Variants in GPC6 observed in about 807,000 individuals in gnomAD.
GPC6 encodes the protein glypican 6.
In GPC6, 14 loss-of-function variants were observed where a neutral mutation model predicts 55.2. The observed-to-expected ratio is 0.25, with a 90% CI of 0.17 to 0.40. The LOEUF (loss-of-function observed/expected upper bound fraction) is 0.40. Among genes scored for constraint, GPC6 ranks in the 10% least tolerant of loss-of-function variants. GPC6 has a pLI of 1.00. For missense variants in GPC6, 641 were observed against 708.5 expected (o/e 0.90, Z 1.08); for synonymous variants, 278 against 259.6 (o/e 1.07, Z -0.68).
chr13:93,505,385 A>T (rs1880671842), intron 1 of GPC6, among the ~76,000 whole-genome samples: 1 of 151,884 alleles, frequency 6.6e-6, no homozygotes, highest in South Asian at 2.1e-4. Flanking sequence ...TCCTTGTTTT[A>T]TGTGTGTTAC....
chr13:93,976,997 G>A (rs1880548546), intron 3 of GPC6, among the ~76,000 whole-genome samples: 2 of 151,950 alleles, frequency 1.3e-5, no homozygotes, highest in African/African-American at 2.4e-5. Context: ...AACAAATATA[G>A]AGCATTCTGT....
At chr13:94,374,068 T>C (rs1343513703) in intron 6 of GPC6, among the ~76,000 whole-genome samples, 1 of 151,688 alleles carries the variant, frequency 6.6e-6, no homozygotes, top group Admixed American at 6.6e-5. Context: ...AAGGAAGCGC[T>C]AAACATGGAA....
intron 3 of GPC6, among the ~76,000 whole-genome samples, chr13:94,005,641 A>G (rs1197416229): frequency 6.6e-6 from 1 of 152,186 alleles, no homozygotes; most frequent in Admixed American, 6.5e-5. Flanking sequence ...CTAGGACTCA[A>G]TTTCCTCATC....
At chr13:93,948,536 AG>A (rs1879113302) in intron 3 of GPC6, among the ~76,000 whole-genome samples, 2 of 152,224 alleles carry the variant, frequency 1.3e-5, no homozygotes, top group African/African-American at 4.8e-5. Flanking sequence ...ATCCAATGTT[AG>A]GTATGGGTTT....
intron 2 of GPC6, among the ~76,000 whole-genome samples, chr13:93,557,642 C>T (rs1875552032): frequency 6.6e-6 from 1 of 152,150 alleles, no homozygotes; most frequent in South Asian, 2.1e-4. Context: ...AGAATATCTT[C>T]AGCCCTTGAG....
chr13:94,085,232 G>C (rs1885234893), intron 4 of GPC6, among the ~76,000 whole-genome samples: 1 of 142,546 alleles, frequency 7.0e-6, no homozygotes, highest in Non-Finnish European at 1.5e-5. Context: ...TGAGGCAGGA[G>C]AGTTCCTTGA....
rs540584164 is a variant in GPC6, at chr13:93,824,041, T to TA, written c.320-6106dup. ...CTCCCTTTTAAAATAAACTGTAATT[T>TA]AAAAAAATCTTTATATAATTTCAAC... is the stretch of plus-strand genomic sequence containing the variant. On this transcript the variant is annotated intron_variant, in intron 2 of 8. Coordinates refer to ENST00000377047, the MANE Select transcript of GPC6 (RefSeq NM_005708.5). Among the ~76,000 whole-genome samples the TA allele has an allele frequency of 2.9e-3, 439 of 152,198 alleles. 1 individual carries two copies. The highest frequency in any genetic ancestry group is 5.2e-3 in the Non-Finnish European group (355 of 68,018).
intron 1 of GPC6, among the ~76,000 whole-genome samples, chr13:93,496,618 A>G (rs1460114671): frequency 6.6e-6 from 1 of 152,224 alleles, no homozygotes; most frequent in Admixed American, 6.5e-5. Flanking sequence ...ACACTGCTTT[A>G]TAGAGACAGA....
chr13:94,142,655 C>T (rs551577114), intron 4 of GPC6, among the ~76,000 whole-genome samples: 19 of 151,978 alleles, frequency 1.3e-4, no homozygotes, highest in Non-Finnish European at 1.0e-4. Flanking sequence ...TTATTGAAAC[C>T]GGGTGTTGTC....
chr13:94,299,123 G>A (rs182345174), intron 5 of GPC6, among the ~76,000 whole-genome samples: 12 of 152,320 alleles, frequency 7.9e-5, no homozygotes, highest in South Asian at 4.1e-4. Context: ...TGAACAAAAT[G>A]TATGAAAACC....
At chr13:94,271,815 C>G (rs1043783615) in intron 4 of GPC6, among the ~76,000 whole-genome samples, 2 of 151,992 alleles carry the variant, frequency 1.3e-5, no homozygotes, top group African/African-American at 4.8e-5. Flanking sequence ...TGATCTTTAT[C>G]TTCACCATGT....
Position 93,731,673 on chromosome 13 carries a change from G to A in GPC6, c.320-98481G>A, listed in dbSNP as rs559056368. On this transcript the variant is annotated intron_variant, in intron 2 of 8. Coordinates refer to ENST00000377047, the MANE Select transcript of GPC6 (RefSeq NM_005708.5). ...AGTATAGATATACATGCAGATATGG[G>A]CATCCATTGTACATCTAGATATGAG... Among the ~76,000 whole-genome samples the A allele has an allele frequency of 1.1e-3, 170 of 152,234 alleles. 1 individual carries two copies. The highest frequency in any genetic ancestry group is 3.9e-3 in the African/African-American group (161 of 41,548).
rs369602220 is a variant in GPC6, at chr13:93,713,172, C to T, written c.320-116982C>T. 2.5e-4 allele frequency among the ~76,000 whole-genome samples: 38 copies of T among 151,316 alleles called. 2 individuals are homozygous for T. In the East Asian group the frequency reaches 6.1e-3, roughly 24 times the overall value. On this transcript the variant is annotated intron_variant, in intron 2 of 8. Transcript: ENST00000377047. ...CACATTTTATCCAAAATATAGGATTCAATATTAAGATTAAAAATTTAGCAA... is the reference window on the plus strand; with the variant it reads ...CACATTTTATCCAAAATATAGGATTTAATATTAAGATTAAAAATTTAGCAA...
intron 2 of GPC6, among the ~76,000 whole-genome samples, chr13:93,762,265 T>C (rs1884979994): frequency 6.6e-6 from 1 of 152,220 alleles, no homozygotes; most frequent in Non-Finnish European, 1.5e-5. Context: ...TCTTCCTCTT[T>C]GTCTTTAGAA....
intron 1 of GPC6, among the ~76,000 whole-genome samples, chr13:93,309,269 G>GT (rs1254903799): frequency 1.3e-5 from 2 of 150,690 alleles, no homozygotes; most frequent in African/African-American, 2.4e-5. Context: ...ATTTTGGTAG[G>GT]TAAGTCTTTA....
At chr13:93,673,724 G>T (rs1197235256) in intron 2 of GPC6, among the ~76,000 whole-genome samples, 1 of 152,108 alleles carries the variant, frequency 6.6e-6, no homozygotes. Flanking sequence ...TAGAAAAAAT[G>T]TTCCCCAAGT....
intron 4 of GPC6, among the ~76,000 whole-genome samples, chr13:94,088,055 A>C (rs1885350797): frequency 1.3e-5 from 2 of 152,196 alleles, no homozygotes; most frequent in African/African-American, 4.8e-5. Flanking sequence ...ACAGATGTTT[A>C]TAAGTTCCTC....
chr13:94,118,175 T>C (rs995898492), intron 4 of GPC6, among the ~76,000 whole-genome samples: 6 of 152,056 alleles, frequency 3.9e-5, no homozygotes, highest in African/African-American at 1.2e-4. Context: ...CCAAGTGTCA[T>C]AGGAGGGACC....
At chr13:94,058,340 T>C (rs1421609498) in intron 4 of GPC6, among the ~76,000 whole-genome samples, 3 of 152,216 alleles carry the variant, frequency 2.0e-5, no homozygotes, top group East Asian at 3.9e-4. Context: ...AATGTTCACT[T>C]ACCTTTCAAT....
Sources: allele counts gnomAD v4.1 joint callset (sites outside exome capture counted in the v4.1 genomes callset), GRCh38; gene constraint gnomAD v4.1.1; transcripts MANE v1.5; gene names NCBI Gene and HGNC (gene_info 2026-07-23, HGNC 2026-07-21).